The following FTCDNL1 variants were observed in gnomAD, a reference collection of about 807,000 sequenced individuals.
FTCDNL1 encodes formiminotransferase N-terminal subdomain-containing protein.
Under a neutral mutation model 5.9 loss-of-function variants are expected in FTCDNL1, and 11 were observed. The observed-to-expected ratio is 1.87, with a 90% CI of 1.18 to 3.10. FTCDNL1 has a LOEUF of 3.10. FTCDNL1 is among the 30% of genes most tolerant of loss of function. The probability of loss-of-function intolerance (pLI) is 0.00; values close to 1 mark genes in which losing one functional copy is unlikely to be tolerated. For missense variants in FTCDNL1, 115 were observed against 65.5 expected (o/e 1.76, Z -2.61); for synonymous variants, 58 against 24.8 (o/e 2.34, Z -3.99).
the FTCDNL1 span, among the ~76,000 whole-genome samples, chr2:199,730,647 C>T: frequency 6.6e-6 from 1 of 152,148 alleles, no homozygotes. Flanking sequence ...AATGAGATGC[C>T]ATCTCATGCA....
At chr2:199,760,642 C>A (rs1698225745) in exon 4 of FTCDNL1, 5 of 539,246 alleles carry the variant, frequency 9.3e-6, no homozygotes, top group South Asian at 5.5e-5. Context: ...TGCAATATAC[C>A]CTCTATTTAG....
At chr2:199,848,677 G>A (rs564571314) in intron 2 of FTCDNL1, among the ~76,000 whole-genome samples, 171 bp downstream of exon 2, 34 of 152,324 alleles carry the variant, frequency 2.2e-4, no homozygotes, top group African/African-American at 7.7e-4. Flanking sequence ...CTGAGTAACT[G>A]AGCTATCTCA....
At chr2:199,773,880 T>C (rs1338464230) in intron 3 of FTCDNL1, among the ~76,000 whole-genome samples, 2 of 152,206 alleles carry the variant, frequency 1.3e-5, no homozygotes, top group East Asian at 3.9e-4. Context: ...ATCCCTGTTG[T>C]AGTGAGGGAG....
the FTCDNL1 span, among the ~76,000 whole-genome samples, chr2:199,729,815 T>C: frequency 6.6e-6 from 1 of 152,204 alleles, no homozygotes; most frequent in East Asian, 1.9e-4. Flanking sequence ...CCCATCAAGC[T>C]ACCATTGACT....
chr2:199,745,361 A>C, the FTCDNL1 span, among the ~76,000 whole-genome samples: 1 of 152,162 alleles, frequency 6.6e-6, no homozygotes, highest in Non-Finnish European at 1.5e-5. Context: ...TCTTATTCTA[A>C]CGTGGCTCTC....
At chr2:199,705,146 T>C in the FTCDNL1 span, among the ~76,000 whole-genome samples, 1 of 152,132 alleles carries the variant, frequency 6.6e-6, no homozygotes, top group Non-Finnish European at 1.5e-5. Flanking sequence ...GGATTCAAGA[T>C]ATATTTTAAA....
chr2:199,668,361 G>A, the FTCDNL1 span, among the ~76,000 whole-genome samples: 1 of 152,192 alleles, frequency 6.6e-6, no homozygotes, highest in African/African-American at 2.4e-5. Flanking sequence ...GCACATAGCA[G>A]TAGTGAACAA....
At chr2:199,723,996 T>A in the FTCDNL1 span, among the ~76,000 whole-genome samples, 1 of 152,216 alleles carries the variant, frequency 6.6e-6, no homozygotes. Context: ...AGAATTTAGC[T>A]GTGAGTCCAT....
At chr2:199,832,915 A>C (rs115307002) in intron 3 of FTCDNL1, among the ~76,000 whole-genome samples, 516 of 152,218 alleles carry the variant, frequency 3.4e-3, no homozygotes, top group Admixed American at 6.0e-3. Context: ...TTCTCAAGCC[A>C]GTTGGCAAAC....
the FTCDNL1 span, among the ~76,000 whole-genome samples, chr2:199,682,275 C>T: frequency 6.6e-6 from 1 of 152,288 alleles, no homozygotes; most frequent in South Asian, 2.1e-4. Flanking sequence ...AGCAGGTGGC[C>T]TTTGGACCTG....
In FTCDNL1 at chr2:199,763,172, G is replaced by C. The variant is rs7566289; in HGVS notation, c.212-2337C>G. On this transcript the variant is annotated intron_variant, in intron 3 of 3. Transcript: ENST00000416668. ...ACTACAATTATAGAGACGTCATGCA[G>C]AGATGACAATGCTCCAGTGGTTTCC... Among the ~76,000 whole-genome samples, 905 of 152,284 alleles carry C rather than the reference G, an allele frequency of 5.9e-3. 7 individuals carry two copies. The highest frequency in any genetic ancestry group is 0.02 in the African/African-American group (812 of 41,544).
At chr2:199,692,111 T>C in the FTCDNL1 span, among the ~76,000 whole-genome samples, 1 of 152,082 alleles carries the variant, frequency 6.6e-6, no homozygotes, top group Non-Finnish European at 1.5e-5. Flanking sequence ...ATCATCCAGA[T>C]TTTTTTTCTT....
chr2:199,726,551 C>A, the FTCDNL1 span, among the ~76,000 whole-genome samples: 1 of 152,132 alleles, frequency 6.6e-6, no homozygotes, highest in African/African-American at 2.4e-5. Flanking sequence ...TTTGAGGCTG[C>A]TGACATTTTG....
chr2:199,751,655 C>T, the FTCDNL1 span, among the ~76,000 whole-genome samples: 15 of 152,198 alleles, frequency 9.9e-5, 1 homozygote, highest in East Asian at 2.9e-3. Context: ...CTTCTCTCTG[C>T]CCGACTGCAT....
chr2:199,682,537 C>T, the FTCDNL1 span, among the ~76,000 whole-genome samples: 1 of 152,162 alleles, frequency 6.6e-6, no homozygotes, highest in African/African-American at 2.4e-5. Context: ...TATGACCCCA[C>T]TCTCATATTT....
intron 3 of FTCDNL1, among the ~76,000 whole-genome samples, chr2:199,766,994 T>A (rs1239280617): frequency 6.6e-6 from 1 of 152,176 alleles, no homozygotes; most frequent in Non-Finnish European, 1.5e-5. Flanking sequence ...TTTGGATTAG[T>A]ACTAAATATC....
chr2:199,808,641 G>A (rs773519372), downstream of FTCDNL1, among the ~76,000 whole-genome samples: 2 of 152,144 alleles, frequency 1.3e-5, no homozygotes, highest in Non-Finnish European at 2.9e-5. Context: ...CAGGTAACCG[G>A]CAAATGAATC....
chr2:199,694,671 A>T, the FTCDNL1 span, among the ~76,000 whole-genome samples: 4 of 152,170 alleles, frequency 2.6e-5, no homozygotes, highest in South Asian at 6.2e-4. Flanking sequence ...GCAAAAAAAT[A>T]AAAAATTAAA....
chr2:199,664,690 G>A, the FTCDNL1 span, among the ~76,000 whole-genome samples: 1 of 152,158 alleles, frequency 6.6e-6, no homozygotes, highest in Non-Finnish European at 1.5e-5. Flanking sequence ...TCCCCAAAAA[G>A]CCAAAGAATA....
Sources: allele counts gnomAD v4.1 joint callset (sites outside exome capture counted in the v4.1 genomes callset), GRCh38; gene constraint gnomAD v4.1.1; transcripts MANE v1.5; gene names NCBI Gene and HGNC (gene_info 2026-07-23, HGNC 2026-07-21).